STK32B: variants seen among roughly 807,000 people sequenced by gnomAD.
STK32B encodes the protein serine/threonine kinase 32B, also known as serine/threonine-protein kinase 32B.
In STK32B, 43 loss-of-function variants were observed where a neutral mutation model predicts 52.6. That is an observed-to-expected ratio of 0.82 (90% confidence interval 0.64 to 1.05). The LOEUF is 1.05. STK32B is among the 50% of genes least tolerant of loss of function. STK32B has a pLI of 0.00. For missense variants in STK32B, 621 were observed against 534.6 expected (o/e 1.16, Z -1.59); for synonymous variants, 238 against 204.3 (o/e 1.17, Z -1.41).
At chr4:5,052,322 GTGTC>G (rs1175044172) in intron 1 of STK32B, among the ~76,000 whole-genome samples, 1 of 152,130 alleles carries the variant, frequency 6.6e-6, no homozygotes, top group Non-Finnish European at 1.5e-5. Flanking sequence ...GTTGCACCGT[GTGTC>G]TGTGTGTGTG....
In STK32B at chr4:5,469,854, C is replaced by A. The variant is rs764807805; in HGVS notation, c.1106+1784C>A. On this transcript the variant is annotated intron_variant, in intron 11 of 11. Coordinates refer to ENST00000282908, the MANE Select transcript of STK32B (RefSeq NM_018401.3). This position sits in a 1 kb window ranked among gnomAD's most constrained non-coding sequence, Gnocchi z 4.7. ...GGTTTCGGAGCTTATCCCAATTTGCCTGTGGTCCTGCCTGCTCTGAGGCTC... is the reference window on the plus strand; with the variant it reads ...GGTTTCGGAGCTTATCCCAATTTGCATGTGGTCCTGCCTGCTCTGAGGCTC... Among the ~76,000 whole-genome samples the A allele has an allele frequency of 1.3e-5, 2 of 152,204 alleles. No homozygotes were observed. Among genetic ancestry groups the A allele is most frequent in the African/African-American group, 2.4e-5 (1 of 41,454 alleles).
At chr4:5,157,320 A>AT (rs1358929132) in intron 2 of STK32B, among the ~76,000 whole-genome samples, 1 of 145,924 alleles carries the variant, frequency 6.9e-6, no homozygotes, top group Non-Finnish European at 1.5e-5. Context: ...AAAAAAAAAA[A>AT]GCTGAACAAG....
chr4:5,408,293 A>G (rs1737807235), intron 5 of STK32B, among the ~76,000 whole-genome samples: 1 of 152,046 alleles, frequency 6.6e-6, no homozygotes, highest in Non-Finnish European at 1.5e-5. Flanking sequence ...GGAGTTGATG[A>G]GAGCCTGGGG....
At chr4:5,167,195 G>GC in intron 2 of STK32B, among the ~76,000 whole-genome samples, 1 of 152,016 alleles carries the variant, frequency 6.6e-6, no homozygotes, top group East Asian at 1.9e-4. Context: ...CTCCCACCTT[G>GC]CCCCCAACTG....
intron 3 of STK32B, among the ~76,000 whole-genome samples, chr4:5,317,423 A>T (rs183578955): frequency 0.25 from 9,052 of 35,858 alleles, 1,869 homozygotes; most frequent in African/African-American, 0.63. Context: ...ATTATATATA[A>T]TACATATATA....
intron 5 of STK32B, among the ~76,000 whole-genome samples, chr4:5,405,731 TA>T: frequency 6.6e-6 from 1 of 152,056 alleles, no homozygotes; most frequent in East Asian, 1.9e-4. Flanking sequence ...TTGTGATAAC[TA>T]ATTCATTATT....
chr4:5,113,182 A>G (rs887276037), intron 1 of STK32B, among the ~76,000 whole-genome samples: 3 of 152,122 alleles, frequency 2.0e-5, no homozygotes, highest in Non-Finnish European at 4.4e-5. Flanking sequence ...AACCTCACGA[A>G]TGGGATTAGT....
At chr4:5,329,904 T>G (rs1732121130) in intron 3 of STK32B, among the ~76,000 whole-genome samples, 1 of 152,174 alleles carries the variant, frequency 6.6e-6, no homozygotes, top group South Asian at 2.1e-4. Context: ...ACCCTGGAAT[T>G]CCCTGTCCTG....
chr4:5,240,353 C>CT (rs1202093505), intron 3 of STK32B, among the ~76,000 whole-genome samples: 1 of 151,998 alleles, frequency 6.6e-6, no homozygotes, highest in Admixed American at 6.6e-5. Flanking sequence ...AAGTATTAAT[C>CT]TTTTGTCAGT....
At chr4:5,354,276 T>C (rs1734033757) in intron 4 of STK32B, among the ~76,000 whole-genome samples, 1 of 152,064 alleles carries the variant, frequency 6.6e-6, no homozygotes, top group South Asian at 2.1e-4. Flanking sequence ...GATCTATGTG[T>C]ACAATTTTAG....
chr4:5,389,674 A>G lies in STK32B; in HGVS notation c.435-8533A>G, dbSNP rs1289260067. Among the ~76,000 whole-genome samples, 3 of 152,358 alleles carry G rather than the reference A, an allele frequency of 2.0e-5. No homozygotes were observed. The East Asian group carries it at 5.8e-4, about 29-fold the overall frequency. On this transcript the variant is annotated intron_variant, in intron 4 of 11. Coordinates refer to ENST00000282908, the MANE Select transcript of STK32B (RefSeq NM_018401.3). Reference sequence around the variant, plus strand: ...GACCTCCACAAAGGAATTTGGAGGAACACGATTCAATCCATCACACTACCT... The same window carrying G: ...GACCTCCACAAAGGAATTTGGAGGAGCACGATTCAATCCATCACACTACCT...
chr4:5,349,600 C>T (rs1438191295), intron 4 of STK32B, among the ~76,000 whole-genome samples: 2 of 151,942 alleles, frequency 1.3e-5, no homozygotes, highest in Admixed American at 6.6e-5. Context: ...ATATGAAACC[C>T]CAAAGGAACA....
Position 5,469,429 on chromosome 4 carries a change from T to C in STK32B, c.1106+1359T>C, listed in dbSNP as rs1307636637. On this transcript the variant is annotated intron_variant, in intron 11 of 11. Transcript: ENST00000282908. The surrounding 1 kb of genome is among the most constrained non-coding windows in gnomAD (Gnocchi z 4.7). ...GTGCTGGGCCAAGTCCTAAGGGACA[T>C]GTAGGGGAAAACGCGGCATTCCAGG... Among the ~76,000 whole-genome samples, 2 of 151,976 alleles carry C rather than the reference T, an allele frequency of 1.3e-5. No individual in the cohort carries two copies. Among genetic ancestry groups the C allele is most frequent in the Non-Finnish European group, 2.9e-5 (2 of 67,996 alleles).
At chr4:5,028,967 G>T in the STK32B span, among the ~76,000 whole-genome samples, 1 of 152,210 alleles carries the variant, frequency 6.6e-6, no homozygotes, top group Non-Finnish European at 1.5e-5. Flanking sequence ...GCCGGAACAA[G>T]AGGCAGGAGG....
intron 3 of STK32B, among the ~76,000 whole-genome samples, chr4:5,250,669 A>G (rs935550641): frequency 2.0e-5 from 3 of 152,170 alleles, no homozygotes; most frequent in Non-Finnish European, 4.4e-5. Flanking sequence ...AAACTAATTT[A>G]CTTTTCTACC....
At chr4:5,254,394 C>T (rs928093928) in intron 3 of STK32B, among the ~76,000 whole-genome samples, 14 of 151,826 alleles carry the variant, frequency 9.2e-5, no homozygotes, top group African/African-American at 3.1e-4. Flanking sequence ...TCATTGATTC[C>T]ACCCCTTAAA....
In STK32B at chr4:5,468,127, C is replaced by G. The variant is rs1717584953; in HGVS notation, c.1106+57C>G. On this transcript the variant is annotated intron_variant, in intron 11 of 11. Transcript: ENST00000282908. ...AGCCTGTCCTAAGTGACCCAAGGTC[C>G]TCCTGGCAGAATCACAGTCCCTGCC... is the stretch of plus-strand genomic sequence containing the variant. 3.8e-6 allele frequency: 6 copies of G among 1,577,882 alleles called. No homozygotes were observed. In the East Asian group the frequency reaches 1.3e-4, roughly 35 times the overall value.
chr4:5,256,173 A>G (rs892627818), intron 3 of STK32B, among the ~76,000 whole-genome samples: 1 of 146,384 alleles, frequency 6.8e-6, no homozygotes, highest in African/African-American at 2.8e-5. Context: ...AGAGGACATG[A>G]CCTTCCCGGG....
chr4:5,041,392 C>T, the STK32B span, among the ~76,000 whole-genome samples: 35 of 152,176 alleles, frequency 2.3e-4, no homozygotes, highest in African/African-American at 7.5e-4. Flanking sequence ...TTGGCAGCTA[C>T]GGAGCCTTCC....
Sources: gnomAD v4.1 joint callset for allele counts (sites outside exome capture counted in the v4.1 genomes callset) on GRCh38, gnomAD v4.1.1 for gene constraint, Gnocchi (gnomAD v3.1) non-coding constraint, MANE v1.5 for transcripts, NCBI Gene and HGNC (gene_info 2026-07-23, HGNC 2026-07-21) for gene names.